PARD3B: variants seen among roughly 807,000 people sequenced by gnomAD.
The protein encoded by PARD3B is partitioning defective 3 homolog B.
In PARD3B, 103 loss-of-function variants were observed where a neutral mutation model predicts 130.2. The observed-to-expected ratio is 0.79, with a 90% CI of 0.67 to 0.93. The LOEUF is 0.93. PARD3B is among the 40% of genes least tolerant of loss of function. PARD3B has a pLI of 0.00. For synonymous variants in PARD3B, 583 were observed against 553.2 expected (o/e 1.05, Z -0.76); for missense variants, 1,609 against 1,499.2 (o/e 1.07, Z -1.21).
chr2:204,965,087 CTA>C (rs1691109610), intron 2 of PARD3B, 63 bp from the exon 3 acceptor site: 8 of 1,488,018 alleles, frequency 5.4e-6, no homozygotes, highest in Middle Eastern at 3.7e-4. Flanking sequence ...TCACGTTCAG[CTA>C]GATAGTGTCC....
rs138314319 is a variant in PARD3B at position 205,086,366 on chromosome 2, T to C, written c.505-18060T>C. Among the ~76,000 whole-genome samples the C allele has an allele frequency of 6.3e-3, 956 of 152,298 alleles. 5 individuals carry two copies. The highest frequency in any genetic ancestry group is 0.021 in the African/African-American group (878 of 41,552). ...CTAAATGGGATCTCATGTGGCCTCTTTATTTTCCATGAAGATGCACATAGA... is the reference window on the plus strand; with the variant it reads ...CTAAATGGGATCTCATGTGGCCTCTCTATTTTCCATGAAGATGCACATAGA... On this transcript the variant is annotated intron_variant, in intron 4 of 22. Transcript: ENST00000406610.
intron 2 of PARD3B, among the ~76,000 whole-genome samples, chr2:204,961,235 G>A (rs990128653): frequency 4.6e-5 from 7 of 152,164 alleles, no homozygotes; most frequent in African/African-American, 1.2e-4. Context: ...TGTGTTGCGC[G>A]CAGGGGAAAG....
intron 3 of PARD3B, among the ~76,000 whole-genome samples, chr2:204,992,174 A>T (rs920750853): frequency 1.3e-5 from 2 of 149,258 alleles, no homozygotes; most frequent in Non-Finnish European, 3.0e-5. Flanking sequence ...CTGAATGGTA[A>T]TGCCTAGGTT....
At chr2:205,399,513 C>T (rs576847683) in intron 18 of PARD3B, among the ~76,000 whole-genome samples, 1 of 151,720 alleles carries the variant, frequency 6.6e-6, no homozygotes, top group African/African-American at 2.4e-5. Flanking sequence ...CACCACGACG[C>T]CCGGCTAATT....
intron 2 of PARD3B, among the ~76,000 whole-genome samples, chr2:204,793,043 A>T (rs2042251557): frequency 6.6e-6 from 1 of 152,182 alleles, no homozygotes; most frequent in Admixed American, 6.5e-5. Context: ...AGCAGGAATA[A>T]GGAAGGGAGA....
intron 2 of PARD3B, among the ~76,000 whole-genome samples, chr2:204,752,865 G>A (rs765927196): frequency 7.2e-5 from 11 of 152,232 alleles, no homozygotes; most frequent in East Asian, 1.9e-4. Flanking sequence ...TGGAAAAGCC[G>A]TCAATCCTGT....
chr2:205,357,788 T>A (rs188111004), intron 18 of PARD3B, among the ~76,000 whole-genome samples: 5 of 152,198 alleles, frequency 3.3e-5, no homozygotes, highest in Non-Finnish European at 4.4e-5. Flanking sequence ...TGGCTTAATG[T>A]TTCTCTTTTG....
chr2:205,579,183 G>T (rs1383880012), intron 22 of PARD3B, among the ~76,000 whole-genome samples: 5 of 152,140 alleles, frequency 3.3e-5, no homozygotes, highest in African/African-American at 4.8e-5. Context: ...AATGAGAACG[G>T]TTGAGCATCT....
At position 205,550,974 on chromosome 2, in the gene PARD3B, TATACAC is replaced by T. The variant is rs1256709308; in HGVS notation, c.3181-2348_3181-2343del. Among the ~76,000 whole-genome samples the T allele has an allele frequency of 1.9e-4, 19 of 98,556 alleles. No homozygotes were observed. Among genetic ancestry groups the T allele is most frequent in the South Asian group, 1.3e-3 (3 of 2,364 alleles). 64.7% of individuals were successfully genotyped at this position (98,556 alleles called of 152,430 possible). On this transcript the variant is annotated intron_variant, in intron 21 of 22. Transcript: ENST00000406610. The surrounding 1 kb of genome is among the most constrained non-coding windows in gnomAD (Gnocchi z 4.5). ...ATATGTGTATATATATATATATATA[TATACAC>T]ACACACACACACACACACACACATA...
At chr2:204,741,276 C>T (rs2039998158) in intron 2 of PARD3B, among the ~76,000 whole-genome samples, 1 of 152,062 alleles carries the variant, frequency 6.6e-6, no homozygotes, top group Non-Finnish European at 1.5e-5. Flanking sequence ...TTATATTTGC[C>T]TTGTTCCTGG....
At chr2:205,612,342 G>A (rs1427451999) in intron 22 of PARD3B, among the ~76,000 whole-genome samples, 1 of 152,044 alleles carries the variant, frequency 6.6e-6, no homozygotes, top group Non-Finnish European at 1.5e-5. Context: ...TAGTAGACAG[G>A]GTTTCACCAG....
chr2:204,660,435 G>A (rs937882152), intron 1 of PARD3B, among the ~76,000 whole-genome samples: 14 of 152,134 alleles, frequency 9.2e-5, no homozygotes, highest in Non-Finnish European at 1.8e-4. Flanking sequence ...CCTATAGTTT[G>A]CCAGGGAATA....
intron 22 of PARD3B, among the ~76,000 whole-genome samples, chr2:205,565,532 ACT>A (rs745359044): frequency 1.3e-4 from 19 of 151,986 alleles, no homozygotes; most frequent in Non-Finnish European, 2.1e-4. Context: ...TAATGTGAAG[ACT>A]CTGCCTTCTG....
chr2:205,195,502 A>T (rs2125812443), intron 15 of PARD3B, among the ~76,000 whole-genome samples: 1 of 152,342 alleles, frequency 6.6e-6, no homozygotes, highest in Non-Finnish European at 1.5e-5. Flanking sequence ...CAAGTCAGGG[A>T]GCCTAACAAA....
At chr2:205,545,852 C>T (rs1211395595) in intron 21 of PARD3B, among the ~76,000 whole-genome samples, 1 of 152,072 alleles carries the variant, frequency 6.6e-6, no homozygotes, top group Non-Finnish European at 1.5e-5. Context: ...ATATCTTCTC[C>T]TCTGCCATTA....
Position 205,463,449 on chromosome 2 carries a change from A to C in PARD3B, c.3044+22777A>C, listed in dbSNP as rs914952407. Among the ~76,000 whole-genome samples the C allele has an allele frequency of 1.3e-5, 2 of 152,084 alleles. No individual in the cohort carries two copies. The highest frequency in any genetic ancestry group is 4.8e-5 in the African/African-American group (2 of 41,412). On this transcript the variant is annotated intron_variant, in intron 20 of 22. Coordinates refer to ENST00000406610, the MANE Select transcript of PARD3B (RefSeq NM_001302769.2). This position sits in a 1 kb window ranked among gnomAD's most constrained non-coding sequence, Gnocchi z 4.8. ...GCACATTAATTCTTTAAAAAAAAAA[A>C]AAAAAAAAAACCTGTCATTTAATTT...
At chr2:205,262,712 A>G (rs763436842) in intron 16 of PARD3B, among the ~76,000 whole-genome samples, 1 of 152,052 alleles carries the variant, frequency 6.6e-6, no homozygotes, top group Non-Finnish European at 1.5e-5. Context: ...AAGTCACACT[A>G]AACACTATGT....
intron 3 of PARD3B, among the ~76,000 whole-genome samples, chr2:204,998,871 G>A (rs972042026): frequency 5.3e-5 from 8 of 152,166 alleles, no homozygotes; most frequent in South Asian, 4.1e-4. Flanking sequence ...GCGCCAACAC[G>A]CCCAGCTGAT....
intron 19 of PARD3B, among the ~76,000 whole-genome samples, chr2:205,404,129 TA>T (rs1327403886): frequency 6.6e-6 from 1 of 152,252 alleles, no homozygotes; most frequent in Non-Finnish European, 1.5e-5. Context: ...ATCTTTTTTT[TA>T]TGCATATACA....
Sources: gnomAD v4.1 joint callset for allele counts (sites outside exome capture counted in the v4.1 genomes callset) on GRCh38, gnomAD v4.1.1 for gene constraint, Gnocchi (gnomAD v3.1) non-coding constraint, MANE v1.5 for transcripts, NCBI Gene and HGNC (gene_info 2026-07-23, HGNC 2026-07-21) for gene names.